Variants in MYH7B observed in about 807,000 individuals in gnomAD.
MYH7B encodes myosin heavy chain 7B.
MYH7B carries 205 observed loss-of-function variants against 234.5 expected under a neutral mutation model. The observed-to-expected ratio is 0.87, with a 90% CI of 0.78 to 0.98. The LOEUF (loss-of-function observed/expected upper bound fraction) is 0.98. Among genes scored for constraint, MYH7B ranks in the 50% least tolerant of loss-of-function variants. The pLI is 0.00. For missense variants in MYH7B, 2,652 were observed against 2,633.4 expected (o/e 1.01, Z -0.15); for synonymous variants, 1,193 against 1,105.0 (o/e 1.08, Z -1.58).
intron 9 of MYH7B, chr20:34,982,153 G>A (rs2081950567): frequency 2.9e-6 from 1 of 340,024 alleles, no homozygotes; most frequent in South Asian, 3.6e-5. Flanking sequence ...CCAGTTCCTT[G>A]TTCCTAAAAT....
exon 30 of MYH7B, chr20:34,996,658 G>A (rs1434525568): frequency 1.2e-6 from 2 of 1,613,386 alleles, no homozygotes; most frequent in African/African-American, 1.3e-5. Context: ...CATGGACACG[G>A]AGCGGGCCAA....
Position 34,986,118 on chromosome 20 carries a change from G to A in MYH7B, c.824G>A (p.Arg275Gln), listed in dbSNP as rs762071988. The stretch of plus-strand genomic sequence containing the variant: ...TCCCCAGATCTCCTGGAGAAGTCGC[G>A]GGTGATCTTCCAGTTGCCTGGTGAG... The change falls in exon 14 of 45, where the codon CGG becomes CAG. Residue 275 changes from arginine (R) to glutamine (Q), a missense_variant. Around this residue, in one of 3 missense-constraint regions of MYH7B, gnomAD observed 366 missense variants for 401.2 expected, o/e 0.91. Coordinates refer to ENST00000262873, the Ensembl canonical transcript of MYH7B. 3.1e-5 allele frequency: 50 copies of A among 1,589,302 alleles called. No individual in the cohort carries two copies. In the Admixed American group the frequency reaches 4.0e-4, roughly 13 times the overall value.
intron 24 of MYH7B, 67 bp from the exon 25 acceptor site, chr20:34,993,035 C>A: frequency 6.4e-7 from 1 of 1,560,406 alleles, no homozygotes; most frequent in Non-Finnish European, 8.7e-7. Context: ...TCCCTGACTT[C>A]CCCATTCTCA....
At chr20:34,989,875 C>A (rs764044547) in exon 20 of MYH7B, 1 of 1,614,044 alleles carries the variant, frequency 6.2e-7, no homozygotes, top group African/African-American at 1.3e-5. Flanking sequence ...TGACAAGAAG[C>A]GCAAGTACCA....
intron 24 of MYH7B, among the ~76,000 whole-genome samples, chr20:34,992,268 C>A (rs543374857): frequency 2.0e-4 from 30 of 151,882 alleles, no homozygotes; most frequent in Admixed American, 1.7e-3. Context: ...AGCCTGTAGT[C>A]CCAGCTACTC....
chr20:34,980,896 T>G, intron 8 of MYH7B, 137 bp from the exon 9 acceptor site: 1 of 1,478,514 alleles, frequency 6.8e-7, no homozygotes, highest in African/African-American at 1.4e-5. Context: ...TGACCTCCAC[T>G]AGGGACAGCC....
chr20:34,958,966 AG>A (rs2081666880), intron 2 of MYH7B, among the ~76,000 whole-genome samples: 1 of 152,222 alleles, frequency 6.6e-6, no homozygotes, highest in Non-Finnish European at 1.5e-5. Flanking sequence ...TTGGGGAGAG[AG>A]AAAGAGAAGG....
chr20:34,999,803 C>G, exon 38 of MYH7B: 1 of 1,376,242 alleles, frequency 7.3e-7, no homozygotes, highest in Non-Finnish European at 9.7e-7. Context: ...GGCCCTGGAG[C>G]TGGAGGAGAC....
At chr20:34,956,661 G>C (rs2081638498) in intron 1 of MYH7B, among the ~76,000 whole-genome samples, 1 of 152,196 alleles carries the variant, frequency 6.6e-6, no homozygotes, top group South Asian at 2.1e-4. Context: ...ATGGTTTTTG[G>C]GGTCTTGAAG....
intron 14 of MYH7B, 23 bp from the exon 15 acceptor site, chr20:34,986,863 C>T (rs2082034475): frequency 2.5e-6 from 4 of 1,593,718 alleles, no homozygotes; most frequent in Admixed American, 1.7e-5. Context: ...CCTGACCCTC[C>T]CTTCTCTGCC....
In MYH7B at chr20:34,985,046, G is replaced by A. The variant is rs1600433155; in HGVS notation, c.742-20G>A. On this transcript the variant is annotated intron_variant, in intron 12 of 44. Coordinates refer to ENST00000262873, the Ensembl canonical transcript of MYH7B. The stretch of plus-strand genomic sequence containing the variant: ...GTGCTGGCTGTGCCCCTTGGCTGAG[G>A]GCTGCCCCTCTGCCCACAGGGCAAG... 1.2e-6 allele frequency: 2 copies of A among 1,614,072 alleles called. No individual in the cohort carries two copies. The highest frequency in any genetic ancestry group is 1.7e-5 in the Admixed American group (1 of 60,002).
chr20:35,000,828 G>A (rs1434904520), exon 40 of MYH7B: 2 of 1,613,940 alleles, frequency 1.2e-6, no homozygotes, highest in Non-Finnish European at 1.7e-6. Flanking sequence ...GCTGAGCGGG[G>A]AGGTGGAGGA....
intron 24 of MYH7B, among the ~76,000 whole-genome samples, 181 bp from the exon 25 acceptor site, chr20:34,992,921 G>A (rs913349734): frequency 9.9e-5 from 15 of 152,232 alleles, no homozygotes; most frequent in African/African-American, 2.4e-4. Context: ...GTGTGGTGAC[G>A]CATCCCTGGC....
chr20:34,974,099 G>C (rs2081820916), intron 2 of MYH7B, among the ~76,000 whole-genome samples: 1 of 151,666 alleles, frequency 6.6e-6, no homozygotes, highest in African/African-American at 2.4e-5. Context: ...TAATTTTTTT[G>C]TATTTTTAGT....
rs764729422 is a variant in MYH7B at position 34,983,293 on chromosome 20, CTTTTCT to C, written c.624+743_624+748del. The stretch of plus-strand genomic sequence containing the variant: ...CTTTCTTTTTTCTTTCTTTTCTTTT[CTTTTCT>C]TTTTTTTTTTTTTTTTTTGCCTTTT... On this transcript the variant is annotated intron_variant, in intron 10 of 44. Coordinates refer to ENST00000262873, the Ensembl canonical transcript of MYH7B. 6.7e-3 allele frequency among the ~76,000 whole-genome samples: 675 copies of C among 100,340 alleles called. 2 individuals are homozygous for C. Among genetic ancestry groups the C allele is most frequent in the African/African-American group, 0.029 (624 of 21,322 alleles). 65.8% of individuals were successfully genotyped at this position (100,340 alleles called of 152,430 possible).
intron 2 of MYH7B, among the ~76,000 whole-genome samples, chr20:34,964,387 G>C (rs1239487855): frequency 6.6e-6 from 1 of 152,208 alleles, no homozygotes; most frequent in African/African-American, 2.4e-5. Flanking sequence ...CCTTTACTCT[G>C]CCTGTTGTTG....
In MYH7B at chr20:34,994,330, C is replaced by T. The variant is rs200371401; in HGVS notation, c.2629C>T (p.Arg877Cys). The T allele has an allele frequency of 2.1e-3, 3,427 of 1,609,168 alleles. 12 individuals carry two copies. Among genetic ancestry groups the T allele is most frequent in the Non-Finnish European group, 2.6e-3 (3,114 of 1,177,824 alleles). The change falls in exon 27 of 45, where the codon CGC (arginine) becomes TGC (cysteine). Residue 877 changes from arginine to cysteine, a missense_variant. By Grantham distance (180) the Arg-to-Cys change is radical (BLOSUM62 -3). Transcript: ENST00000262873. ...GGCGCTGGCTGCGGCCGAGGCCAAG[C>T]GCCAGGAACTGGAGGAGACGCACGT...
At chr20:35,001,215 C>T (rs755284204) in intron 41 of MYH7B, 30 bp from the exon 42 acceptor site, 1 of 1,605,658 alleles carries the variant, frequency 6.2e-7, no homozygotes. Flanking sequence ...CAGGGGTGGG[C>T]TTGGCATCAG....
intron 2 of MYH7B, among the ~76,000 whole-genome samples, chr20:34,965,231 G>T (rs1484724089): frequency 6.6e-6 from 1 of 152,194 alleles, no homozygotes; most frequent in African/African-American, 2.4e-5. Context: ...AGATCAAAGA[G>T]ACAGAGCAAC....
Sources: gnomAD v4.1 joint callset for allele counts (sites outside exome capture counted in the v4.1 genomes callset) on GRCh38, gnomAD v4.1.1 for gene constraint, gnomAD v4.1.1 regional missense constraint, MANE v1.5 for transcripts, NCBI Gene and HGNC (gene_info 2026-07-23, HGNC 2026-07-21) for gene names.